DCT: variants seen among roughly 807,000 people sequenced by gnomAD.
DCT encodes the protein L-dopachrome tautomerase.
A neutral mutation model predicts 53.0 loss-of-function variants in DCT; 47 were observed. That is an observed-to-expected ratio of 0.89 (90% confidence interval 0.70 to 1.13). The LOEUF is 1.13. Ranked by LOEUF, DCT falls within the 50% of genes most tolerant of loss-of-function variation. The pLI, the probability that DCT is intolerant of heterozygous loss-of-function variation, is 0.00. For missense variants in DCT, 669 were observed against 637.4 expected (o/e 1.05, Z -0.53); for synonymous variants, 244 against 237.0 (o/e 1.03, Z -0.27).
At chr13:94,507,508 T>G in the DCT span, among the ~76,000 whole-genome samples, 3 of 151,554 alleles carry the variant, frequency 2.0e-5, no homozygotes, top group Non-Finnish European at 2.9e-5. Flanking sequence ...ATTGACTTTT[T>G]TTTTTTTTTT....
At chr13:94,526,207 A>C in the DCT span, among the ~76,000 whole-genome samples, 24 of 152,340 alleles carry the variant, frequency 1.6e-4, no homozygotes, top group Middle Eastern at 6.8e-3. Flanking sequence ...TTTAGTTAAC[A>C]CACATCTACT....
chr13:94,476,856 TCACGCTAAC>T (rs1885124737), intron 1 of DCT, among the ~76,000 whole-genome samples: 3 of 152,178 alleles, frequency 2.0e-5, no homozygotes, highest in African/African-American at 7.2e-5. Flanking sequence ...TGGTTTTCAA[TCACGCTAAC>T]CACACCAGCA....
rs1665023600 is a variant in DCT at position 94,438,494 on chromosome 13, T to A, written c.*1404A>T. ...CTTGCACCCTCTAGGACCCCTTATG[T>A]TGAAGGCAGCTCCAGGGACCTCTTA... On this transcript the variant is annotated 3_prime_UTR_variant, in exon 8 of 8. Transcript: ENST00000377028. 2.3e-6 allele frequency: 1 copy of A among 428,578 alleles called. No homozygotes were observed. Among genetic ancestry groups the A allele is most frequent in the African/African-American group, 2.0e-5 (1 of 49,112 alleles). 26.5% of individuals were successfully genotyped at this position (428,578 alleles called of 1,614,324 possible). A position where few individuals can be genotyped will look rare whatever the true frequency, so the allele number is the denominator to read the frequency against.
At chr13:94,527,365 A>C in the DCT span, among the ~76,000 whole-genome samples, 1 of 152,194 alleles carries the variant, frequency 6.6e-6, no homozygotes, top group Non-Finnish European at 1.5e-5. Flanking sequence ...TGACTGGGAA[A>C]CATCTCCCAG....
chr13:94,447,119 G>T (rs1485931441), intron 6 of DCT, among the ~76,000 whole-genome samples: 1 of 152,182 alleles, frequency 6.6e-6, no homozygotes, highest in African/African-American at 2.4e-5. Context: ...CTAATATATG[G>T]TAGAGTAAGA....
chr13:94,460,613 A>G (rs1883717793), intron 5 of DCT, among the ~76,000 whole-genome samples: 1 of 152,084 alleles, frequency 6.6e-6, no homozygotes, highest in Non-Finnish European at 1.5e-5. Flanking sequence ...ATATTTCTCA[A>G]CCAAATAGAC....
the DCT span, among the ~76,000 whole-genome samples, chr13:94,519,306 C>T: frequency 6.6e-6 from 1 of 152,144 alleles, no homozygotes; most frequent in Non-Finnish European, 1.5e-5. Flanking sequence ...TGGTGACTCT[C>T]CAGCACCTAG....
rs56301019 is a variant in DCT at position 94,455,381 on chromosome 13, T to TAGAGAGAGAGAGAGAGAGAG, written c.1179+4690_1179+4709dup. ...TGGGCAACAGAGAGAGACTGTCTCT[T>TAGAGAGAGAGAGAGAGAGAG]AGAGAGAGAGAGAGAGAGAGAGAGA... On this transcript the variant is annotated intron_variant, in intron 6 of 7. Coordinates refer to ENST00000377028, the MANE Select transcript of DCT (RefSeq NM_001922.5). 1.9e-3 allele frequency among the ~76,000 whole-genome samples: 265 copies of TAGAGAGAGAGAGAGAGAGAG among 141,742 alleles called. 1 individual carries two copies. The highest frequency in any genetic ancestry group is 3.6e-3 in the Middle Eastern group (1 of 280). The allele number at this position is 141,742 out of a possible 152,430, so 93.0% of individuals were successfully genotyped here.
Position 94,439,625 on chromosome 13 carries a change from T to TGGG in DCT, c.*270_*272dup, listed in dbSNP as rs3215804. 13 of 209,924 alleles carry TGGG rather than the reference T, an allele frequency of 6.2e-5. No homozygotes were observed. The highest frequency in any genetic ancestry group is 1.7e-4 in the African/African-American group (7 of 41,182). The allele number at this position is 209,924 out of a possible 1,614,324, so 13.0% of individuals were successfully genotyped here. Reference sequence around the variant, plus strand: ...GAAAAGGAGGAGGCTTAATCAATATTGGGGGGGGGGTTATTATTAGATATC... The same window carrying TGGG: ...GAAAAGGAGGAGGCTTAATCAATATTGGGGGGGGGGGGGTTATTATTAGATATC... On this transcript the variant is annotated 3_prime_UTR_variant, in exon 8 of 8. Coordinates refer to ENST00000377028, the MANE Select transcript of DCT (RefSeq NM_001922.5).
the DCT span, among the ~76,000 whole-genome samples, chr13:94,498,008 T>C: frequency 6.6e-6 from 1 of 152,194 alleles, no homozygotes; most frequent in Non-Finnish European, 1.5e-5. Flanking sequence ...ACAAGCTACC[T>C]TTTGGAGGCC....
At chr13:94,483,799 C>T (rs893621231), upstream of DCT, among the ~76,000 whole-genome samples, 2 of 152,084 alleles carry the variant, frequency 1.3e-5, no homozygotes, top group East Asian at 1.9e-4. Context: ...CCACCGTGCC[C>T]GGCCCATATG....
At chr13:94,498,330 C>A in the DCT span, among the ~76,000 whole-genome samples, 1 of 152,206 alleles carries the variant, frequency 6.6e-6, no homozygotes, top group South Asian at 2.1e-4. Context: ...AGCAGAAAAT[C>A]TTTAGGAGCT....
At chr13:94,455,564 C>A (rs1383309496) in intron 6 of DCT, among the ~76,000 whole-genome samples, 1 of 152,180 alleles carries the variant, frequency 6.6e-6, no homozygotes, top group East Asian at 1.9e-4. Context: ...TTTGTTTATG[C>A]ATGATCTATG....
chr13:94,499,460 G>C, the DCT span, among the ~76,000 whole-genome samples: 1 of 100,780 alleles, frequency 9.9e-6, no homozygotes, highest in Non-Finnish European at 2.1e-5. Context: ...GTGTGCATGA[G>C]AGTGAGTGTG....
At chr13:94,478,484 A>AAG (rs765869772) in intron 1 of DCT, among the ~76,000 whole-genome samples, 1 of 151,884 alleles carries the variant, frequency 6.6e-6, no homozygotes, top group African/African-American at 2.4e-5. Flanking sequence ...CTCCAAAAAA[A>AAG]AGAGAGAGAG....
the DCT span, among the ~76,000 whole-genome samples, chr13:94,512,296 G>A: frequency 0.48 from 73,434 of 151,962 alleles, 19,842 homozygotes; most frequent in African/African-American, 0.73. Context: ...AAATTTGAGC[G>A]TGGCCTAGGA....
rs373770110 is a variant in DCT at position 94,460,080 on chromosome 13, T to C, written c.1179+11A>G. 6.8e-5 allele frequency: 110 copies of C among 1,613,360 alleles called. No individual in the cohort carries two copies. Among genetic ancestry groups the C allele is most frequent in the Non-Finnish European group, 8.5e-5 (100 of 1,179,824 alleles). ...AGAAAATTTTCATGCATTCTGAATCTTTGAACATACCACAAAAATGGGATC... is the reference window on the plus strand; with the variant it reads ...AGAAAATTTTCATGCATTCTGAATCCTTGAACATACCACAAAAATGGGATC... On this transcript the variant is annotated intron_variant, in intron 6 of 7. Coordinates refer to ENST00000377028, the MANE Select transcript of DCT (RefSeq NM_001922.5).
At chr13:94,457,172 G>C (rs971056351) in intron 6 of DCT, among the ~76,000 whole-genome samples, 4 of 152,140 alleles carry the variant, frequency 2.6e-5, no homozygotes, top group Admixed American at 2.6e-4. Context: ...ATAAACTGAT[G>C]GTTTGACAAT....
rs771989358 is a variant in DCT, at chr13:94,438,626, CA to C, written c.*1271del. On this transcript the variant is annotated 3_prime_UTR_variant, in exon 8 of 8. Coordinates refer to ENST00000377028, the MANE Select transcript of DCT (RefSeq NM_001922.5). Reference sequence around the variant, plus strand: ...CTGATGCACAGAAACCAGATATGAGCAGATGAAATTTGCCTGGAAATCTCAA... The same window carrying C: ...CTGATGCACAGAAACCAGATATGAGCGATGAAATTTGCCTGGAAATCTCAA... 3.1e-5 allele frequency: 14 copies of C among 455,930 alleles called. No homozygotes were observed. The highest frequency in any genetic ancestry group is 2.2e-4 in the South Asian group (14 of 64,544). 28.2% of individuals were successfully genotyped at this position (455,930 alleles called of 1,614,324 possible).
Sources: allele counts gnomAD v4.1 joint callset (sites outside exome capture counted in the v4.1 genomes callset), GRCh38; gene constraint gnomAD v4.1.1; transcripts MANE v1.5; gene names NCBI Gene and HGNC (gene_info 2026-07-23, HGNC 2026-07-21).